The following ULK4 variants were observed in gnomAD, a reference collection of about 807,000 sequenced individuals.
ULK4 encodes the protein unc-51 like kinase 4.
ULK4 carries 133 observed loss-of-function variants against 160.6 expected under a neutral mutation model. That is an observed-to-expected ratio of 0.83 (90% confidence interval 0.72 to 0.96). The LOEUF (loss-of-function observed/expected upper bound fraction) is 0.96. Among genes scored for constraint, ULK4 ranks in the 40% least tolerant of loss-of-function variants. The pLI is 0.00. For missense variants in ULK4, 1,580 were observed against 1,499.5 expected, an observed-to-expected ratio of 1.05 and a Z score of -0.89; for synonymous variants, 534 against 539.8, an observed-to-expected ratio of 0.99 and a Z score of 0.15.
chr3:41,342,072 C>CATAATGGT (rs1427167825), intron 35 of ULK4, among the ~76,000 whole-genome samples: 2 of 152,066 alleles, frequency 1.3e-5, no homozygotes, highest in Non-Finnish European at 2.9e-5. Flanking sequence ...AATAAACTGC[C>CATAATGGT]ATAATGGTTT....
chr3:41,307,924 G>T (rs1243696012), intron 35 of ULK4, among the ~76,000 whole-genome samples: 4 of 152,078 alleles, frequency 2.6e-5, no homozygotes, highest in African/African-American at 9.7e-5. Flanking sequence ...TTAAAACCTG[G>T]AGCTGTTGTG....
intron 18 of ULK4, among the ~76,000 whole-genome samples, chr3:41,831,071 A>G (rs2041567140): frequency 6.6e-6 from 1 of 152,000 alleles, no homozygotes; most frequent in Non-Finnish European, 1.5e-5. Flanking sequence ...TCTGACACCC[A>G]GACTGGAGTG....
intron 17 of ULK4, among the ~76,000 whole-genome samples, chr3:41,873,479 T>C (rs1457670089): frequency 6.6e-6 from 1 of 152,194 alleles, no homozygotes. Flanking sequence ...CACTTTCTTG[T>C]TCATTCACAT....
intron 32 of ULK4, among the ~76,000 whole-genome samples, chr3:41,474,448 G>T (rs796147100): frequency 1.3e-5 from 2 of 152,132 alleles, no homozygotes; most frequent in African/African-American, 4.8e-5. Context: ...ACACTATTCT[G>T]GGCAGTAACT....
At chr3:41,370,328 GATAA>G (rs1181768178) in intron 35 of ULK4, among the ~76,000 whole-genome samples, 1 of 152,172 alleles carries the variant, frequency 6.6e-6, no homozygotes, top group Non-Finnish European at 1.5e-5. Flanking sequence ...ATCACTTTAT[GATAA>G]ATAAGTGTTT....
At chr3:41,636,872 G>T (rs574498041) in intron 30 of ULK4, among the ~76,000 whole-genome samples, 2 of 150,828 alleles carry the variant, frequency 1.3e-5, no homozygotes, top group Non-Finnish European at 2.9e-5. Context: ...GATATATTTC[G>T]AACAGTGGAA....
intron 30 of ULK4, among the ~76,000 whole-genome samples, chr3:41,618,006 G>C (rs1393777070): frequency 6.6e-6 from 1 of 152,118 alleles, no homozygotes; most frequent in Non-Finnish European, 1.5e-5. Flanking sequence ...AATAGATCAA[G>C]TGGAAGAAAG....
chr3:41,742,762 G>A (rs2038284969), intron 22 of ULK4, among the ~76,000 whole-genome samples: 1 of 151,772 alleles, frequency 6.6e-6, no homozygotes, highest in South Asian at 2.1e-4. Context: ...CTCAGATAAG[G>A]AGAAAGGTTA....
intron 34 of ULK4, among the ~76,000 whole-genome samples, chr3:41,452,496 G>A (rs1313210463): frequency 6.6e-6 from 1 of 152,164 alleles, no homozygotes; most frequent in Non-Finnish European, 1.5e-5. Flanking sequence ...TACAAGGAGT[G>A]TAAGCAAACC....
intron 3 of ULK4, among the ~76,000 whole-genome samples, chr3:41,936,287 G>A (rs754076402): frequency 1.5e-4 from 23 of 152,134 alleles, no homozygotes; most frequent in South Asian, 8.3e-4. Context: ...GTATAGTATC[G>A]TTTACTGTTG....
intron 32 of ULK4, among the ~76,000 whole-genome samples, chr3:41,526,352 T>C (rs1184811676): frequency 6.6e-6 from 1 of 152,152 alleles, no homozygotes; most frequent in East Asian, 1.9e-4. Context: ...ATGCATAGAA[T>C]GAGATGGGGC....
intron 32 of ULK4, among the ~76,000 whole-genome samples, chr3:41,501,472 TG>T (rs2085205814): frequency 6.6e-6 from 1 of 152,128 alleles, no homozygotes; most frequent in Non-Finnish European, 1.5e-5. Context: ...CACTCCAGCC[TG>T]GGTGACAGAG....
intron 30 of ULK4, among the ~76,000 whole-genome samples, chr3:41,631,675 T>C (rs2033748878): frequency 6.6e-6 from 1 of 152,154 alleles, no homozygotes; most frequent in African/African-American, 2.4e-5. Flanking sequence ...AATACAGCCC[T>C]GTAATATTCC....
chr3:41,248,456 G>A (rs567648465), intron 36 of ULK4, among the ~76,000 whole-genome samples: 1 of 152,218 alleles, frequency 6.6e-6, no homozygotes, highest in South Asian at 2.1e-4. Context: ...TACTTCTATG[G>A]TTTATGCTGA....
chr3:41,416,452 T>A (rs7619164), intron 34 of ULK4, among the ~76,000 whole-genome samples: 40,019 of 151,910 alleles, frequency 0.26, 5,524 homozygotes, highest in South Asian at 0.39. Flanking sequence ...AATGACGCCG[T>A]CATGTAACAA....
chr3:41,498,570 T>C (rs200784085), intron 32 of ULK4, among the ~76,000 whole-genome samples: 1 of 41,472 alleles, frequency 2.4e-5, no homozygotes, highest in Non-Finnish European at 1.2e-4. Flanking sequence ...GCTTCTTCTT[T>C]TTTTTCTTTT....
intron 27 of ULK4, chr3:41,688,141 A>C (rs2036159725): frequency 6.6e-6 from 1 of 152,220 alleles, no homozygotes; most frequent in South Asian, 2.1e-4. Flanking sequence ...AACACCAATA[A>C]AGCACTCTTC....
intron 22 of ULK4, among the ~76,000 whole-genome samples, chr3:41,721,931 T>A (rs549995756): frequency 6.6e-6 from 1 of 152,306 alleles, no homozygotes; most frequent in South Asian, 2.1e-4. Context: ...TCCTAGATTC[T>A]TTCTTTCAGC....
chr3:41,661,764 C>T (rs2035177746), intron 30 of ULK4, among the ~76,000 whole-genome samples: 2 of 152,066 alleles, frequency 1.3e-5, no homozygotes, highest in African/African-American at 4.8e-5. Flanking sequence ...CAAAAAAATA[C>T]AAAAACTATT....
Sources: allele counts gnomAD v4.1 joint callset (sites outside exome capture counted in the v4.1 genomes callset), GRCh38; gene constraint gnomAD v4.1.1; transcripts MANE v1.5; gene names NCBI Gene and HGNC (gene_info 2026-07-23, HGNC 2026-07-21).